RNF40: variants seen among roughly 807,000 people sequenced by gnomAD.
RNF40 encodes the protein E3 ubiquitin-protein ligase BRE1B.
Under a neutral mutation model 123.3 loss-of-function variants are expected in RNF40, and 39 were observed. The observed-to-expected ratio is 0.32, with a 90% CI of 0.24 to 0.41. RNF40 has a LOEUF of 0.41. RNF40 is among the 10% of genes least tolerant of loss of function. The probability of loss-of-function intolerance (pLI) is 1.00; values close to 1 mark genes in which losing one functional copy is unlikely to be tolerated. For synonymous variants in RNF40, 538 were observed against 526.0 expected (o/e 1.02, Z -0.31); for missense variants, 1,003 against 1,319.9 (o/e 0.76, Z 3.72).
chr16:30,761,628 G>A (rs1567275559), upstream of RNF40: 2 of 1,536,102 alleles, frequency 1.3e-6, no homozygotes, highest in Non-Finnish European at 8.7e-7. Flanking sequence ...GCACGCGTCC[G>A]CGCGGCCGAC....
intron 17 of RNF40, 45 bp downstream of exon 17, chr16:30,769,645 C>T (rs2054111480): frequency 6.7e-7 from 1 of 1,482,136 alleles, no homozygotes; most frequent in Non-Finnish European, 9.0e-7. Context: ...TGCTGGCTCA[C>T]CTCCTCACCT....
At chr16:30,769,824 G>A (rs76788949) in intron 17 of RNF40, among the ~76,000 whole-genome samples, 1,659 of 152,314 alleles carry the variant, frequency 0.011, 29 homozygotes, top group African/African-American at 0.037. Context: ...GTTTACGGGC[G>A]TGGTGGCTCA....
Position 30,774,204 on chromosome 16 carries a change from C to G in RNF40, c.*90C>G. 8.8e-6 allele frequency: 12 copies of G among 1,365,592 alleles called. No individual in the cohort carries two copies. The highest frequency in any genetic ancestry group is 1.2e-5 in the Non-Finnish European group (12 of 1,007,924). 84.6% of individuals were successfully genotyped at this position (1,365,592 alleles called of 1,614,324 possible). On this transcript the variant is annotated 3_prime_UTR_variant, in exon 20 of 20. Coordinates refer to ENST00000324685, the MANE Select transcript of RNF40 (RefSeq NM_014771.4). ...ACCCCAGGTCTAGTGGCCCCACCCTCCATTCCGGACCCCATGGGCCCAGCC... is the reference window on the plus strand; with the variant it reads ...ACCCCAGGTCTAGTGGCCCCACCCTGCATTCCGGACCCCATGGGCCCAGCC...
intron 15 of RNF40, 97 bp downstream of exon 15, chr16:30,769,084 T>TC: frequency 6.3e-7 from 1 of 1,594,896 alleles, no homozygotes; most frequent in South Asian, 1.1e-5. Flanking sequence ...ATGATCTGGG[T>TC]CCCCTCTGTA....
In RNF40 at chr16:30,766,937, G is replaced by A; in HGVS notation, c.1429+61G>A. On this transcript the variant is annotated intron_variant, in intron 11 of 19. Coordinates refer to ENST00000324685, the MANE Select transcript of RNF40 (RefSeq NM_014771.4). This position sits in a 1 kb window ranked among gnomAD's most constrained non-coding sequence, Gnocchi z 5.4. ...TCTGGGAGTGCTGGGCCCTGGTGTG[G>A]GGCTGCTGCTTATCCAGATGCAAGA... 1 of 1,580,774 alleles carries A rather than the reference G, an allele frequency of 6.3e-7. No homozygotes were observed. Among genetic ancestry groups the A allele is most frequent in the Non-Finnish European group, 8.6e-7 (1 of 1,162,896 alleles).
upstream of RNF40, chr16:30,761,768 G>C: frequency 6.6e-7 from 1 of 1,507,948 alleles, no homozygotes; most frequent in Non-Finnish European, 8.9e-7. Flanking sequence ...CTTCCGTGCC[G>C]CGAGGCGCCC....
Position 30,766,262 on chromosome 16 carries a change from C to G in RNF40, c.1093C>G (p.Arg365Gly). The G allele has an allele frequency of 6.2e-7, 1 of 1,614,064 alleles. No individual in the cohort carries two copies. Among genetic ancestry groups the G allele is most frequent in the Non-Finnish European group, 8.5e-7 (1 of 1,179,994 alleles). The change falls in exon 9 of 20, where the codon CGG becomes GGG. Residue 365 changes from arginine to glycine, a missense_variant. Coordinates refer to ENST00000324685, the MANE Select transcript of RNF40 (RefSeq NM_014771.4). The surrounding 1 kb of genome is among the most constrained non-coding windows in gnomAD (Gnocchi z 5.4). The part of the protein sequence containing the change: ...KLQAELQGAV[R>G]TNERLKVALR... Reference sequence around the variant, plus strand: ...GCAGGCCGAACTTCAGGGGGCTGTGCGGACCAATGAGCGCCTCAAGGTGGG... The same window carrying G: ...GCAGGCCGAACTTCAGGGGGCTGTGGGGACCAATGAGCGCCTCAAGGTGGG...
rs1032112736 is a variant in RNF40 at position 30,768,915 on chromosome 16, T to A, written c.2175T>A (p.Asp725Glu). 3.1e-6 allele frequency: 5 copies of A among 1,614,058 alleles called. No homozygotes were observed. In the African/African-American group the frequency reaches 5.3e-5, roughly 17 times the overall value. The part of the protein sequence containing the change: ...RRESKKIADE[D>E]ALRRIRQAEE... ...AGAGCAAGAAGATCGCGGATGAGGA[T>A]GCCCTGCGGCGCATTCGGCAGGCAG... The change falls in exon 15 of 20, where the codon GAT becomes GAA. Residue 725 changes from aspartate to glutamate, a missense_variant. Coordinates refer to ENST00000324685, the MANE Select transcript of RNF40 (RefSeq NM_014771.4). The surrounding 1 kb of genome is among the most constrained non-coding windows in gnomAD (Gnocchi z 4.1).
At chr16:30,773,651 A>G (rs1000316597) in intron 19 of RNF40, 1 of 321,944 alleles carries the variant, frequency 3.1e-6, no homozygotes, top group Non-Finnish European at 5.7e-6. Flanking sequence ...TGAAGCCCCA[A>G]GGCAGAGTCC....
Position 30,763,153 on chromosome 16 carries a change from CAA to C in RNF40, c.169_170del (p.Lys57GlufsTer13). The C allele has an allele frequency of 6.2e-7, 1 of 1,614,008 alleles. No homozygotes were observed. The highest frequency in any genetic ancestry group is 8.5e-7 in the Non-Finnish European group (1 of 1,180,036). On this transcript the variant is annotated frameshift_variant, in exon 3 of 20. Coordinates refer to ENST00000324685, the MANE Select transcript of RNF40 (RefSeq NM_014771.4). LOFTEE classifies it high-confidence loss of function. ...MDLKVLQFKN[K>X]KLAERLEQRQ... is the part of the protein sequence containing the mutation. ...ACCTGAAGGTACTACAGTTCAAGAA[CAA>C]GAAACTGGCAGAGCGGCTGGAACAA...
At position 30,768,567 on chromosome 16, in the gene RNF40, A is replaced by G. The variant is rs763240299; in HGVS notation, c.1979+37A>G. 6.2e-7 allele frequency: 1 copy of G among 1,613,764 alleles called. No homozygotes were observed. The highest frequency in any genetic ancestry group is 1.7e-5 in the Admixed American group (1 of 60,028). On this transcript the variant is annotated intron_variant, in intron 13 of 19. Coordinates refer to ENST00000324685, the MANE Select transcript of RNF40 (RefSeq NM_014771.4). This position sits in a 1 kb window ranked among gnomAD's most constrained non-coding sequence, Gnocchi z 4.1. ...TTCCTGTCTCCTTCCTGACCCTGCC[A>G]GGTGGCCTCCAGTCCCACTCACTAA...
chr16:30,761,925 C>T (rs2053834915), upstream of RNF40: 2 of 640,214 alleles, frequency 3.1e-6, no homozygotes, highest in South Asian at 2.1e-5. Context: ...GTCTCAACGG[C>T]GACGGTTGCC....
Position 30,768,198 on chromosome 16 carries a change from G to C in RNF40, c.1647G>C (p.Glu549Asp), listed in dbSNP as rs2054074643. The change falls in exon 13 of 20, where the codon GAG becomes GAC. Residue 549 changes from glutamate to aspartate, a missense_variant. Glu to Asp is a conservative substitution (Grantham distance 45, BLOSUM62 2). Around this residue, in one of 11 missense-constraint regions of RNF40, gnomAD observed 295 missense variants for 331.7 expected, o/e 0.89. Transcript: ENST00000324685. This position sits in a 1 kb window ranked among gnomAD's most constrained non-coding sequence, Gnocchi z 4.1. ...GTGCCCCAGCCCCAGGGAAAGAGGA[G>C]GGTGGGCCAGGCCCTGTCAGTACCC... ...GVSAPAPGKEEGGPGPVSTPD... is the reference protein window; with the variant it reads ...GVSAPAPGKEDGGPGPVSTPD... 1.2e-6 allele frequency: 2 copies of C among 1,613,234 alleles called. No homozygotes were observed. The highest frequency in any genetic ancestry group is 1.7e-6 in the Non-Finnish European group (2 of 1,179,828).
rs558990587 is a variant in RNF40, at chr16:30,763,051, C to A, written c.133-67C>A. ...CATTGCAGATGCTCTGCTCCTCTTT[C>A]TCTCTCTGTGATTGGTTTGTGGGCC... On this transcript the variant is annotated intron_variant, in intron 2 of 19. Transcript: ENST00000324685. 1,485 of 1,572,860 alleles carry A rather than the reference C, an allele frequency of 9.4e-4. 2 individuals are homozygous for A. The highest frequency in any genetic ancestry group is 1.2e-3 in the Non-Finnish European group (1,367 of 1,147,608).
chr16:30,762,787 C>T (rs965997447), intron 2 of RNF40, 110 bp downstream of exon 2: 3 of 1,350,110 alleles, frequency 2.2e-6, no homozygotes, highest in African/African-American at 1.5e-5. Flanking sequence ...GCAAGGTCCG[C>T]GTTACAGGAC....
Position 30,764,939 on chromosome 16 carries a change from G to A in RNF40, c.651G>A (p.Gly217=), listed in dbSNP as rs746615038. Residue 217 remains glycine, a splice_region_variant and synonymous_variant, in exon 6 of 20, where the codon GGG becomes GGA. Transcript: ENST00000324685. ...EELCQRVYSR[G]DSEPLSEAAQ... ...CTTACCTGGGCCCTGCCTTCCCAGG[G>A]GACAGTGAGCCCCTCAGTGAGGCGG... The A allele has an allele frequency of 6.2e-6, 10 of 1,611,132 alleles. No homozygotes were observed. The African/African-American group carries it at 9.4e-5, about 15-fold the overall frequency.
Position 30,767,874 on chromosome 16 carries a change from A to G in RNF40, c.1430-20A>G, listed in dbSNP as rs199777576. 2.3e-5 allele frequency: 37 copies of G among 1,614,092 alleles called. No individual in the cohort carries two copies. The highest frequency in any genetic ancestry group is 1.7e-4 in the Middle Eastern group (1 of 6,060). ...CCCAGGAACTGGTTCTGACACCTTT[A>G]CTTGCTGATGCTCCTCCAGGGCCCA... is the stretch of plus-strand genomic sequence containing the variant. On this transcript the variant is annotated intron_variant, in intron 11 of 19. Transcript: ENST00000324685.
Position 30,763,574 on chromosome 16 carries a change from C to T in RNF40, c.442+15C>T, listed in dbSNP as rs751233205. 3.7e-5 allele frequency: 60 copies of T among 1,613,446 alleles called. No homozygotes were observed. In the South Asian group the frequency reaches 6.4e-4, roughly 17 times the overall value. On this transcript the variant is annotated intron_variant, in intron 4 of 19. Coordinates refer to ENST00000324685, the MANE Select transcript of RNF40 (RefSeq NM_014771.4). ...AGAGCTGAGAGGTAGGACCAGAGTG[C>T]TGGGATCTGGGGAGCTTAAGTTCTG...
intron 4 of RNF40, among the ~76,000 whole-genome samples, chr16:30,763,948 T>C (rs187010048): frequency 6.6e-6 from 1 of 152,310 alleles, no homozygotes; most frequent in Non-Finnish European, 1.5e-5. Flanking sequence ...ATTATATTGG[T>C]AAAGTACAGG....
Sources: gnomAD v4.1 joint callset for allele counts (sites outside exome capture counted in the v4.1 genomes callset) on GRCh38, gnomAD v4.1.1 for gene constraint, gnomAD v4.1.1 regional missense constraint, Gnocchi (gnomAD v3.1) non-coding constraint, MANE v1.5 for transcripts, NCBI Gene and HGNC (gene_info 2026-07-23, HGNC 2026-07-21) for gene names.